The following UGT3A2 variants were observed in gnomAD, a reference collection of about 807,000 sequenced individuals.
UGT3A2 encodes UDP glycosyltransferase family 3 member A2.
In UGT3A2, 32 loss-of-function variants were observed where a neutral mutation model predicts 39.8. The observed-to-expected ratio is 0.80, with a 90% CI of 0.61 to 1.08. The LOEUF is 1.08. UGT3A2 is among the 50% of genes least tolerant of loss of function. UGT3A2 has a pLI of 0.00. For synonymous variants in UGT3A2, 241 were observed against 230.7 expected (o/e 1.04, Z -0.40); for missense variants, 611 against 637.1 (o/e 0.96, Z 0.44).
In UGT3A2 at chr5:36,035,531, C is replaced by G; in HGVS notation, c.*167G>C. On this transcript the variant is annotated 3_prime_UTR_variant, in exon 7 of 7. Transcript: ENST00000282507. ...GGAGCTAGTAAGGATGAATTTGTAG[C>G]AAAATTAGCAAGTGGAAAGGATGAT... 9.8e-7 allele frequency: 1 copy of G among 1,023,206 alleles called. No individual in the cohort carries two copies. Among genetic ancestry groups the G allele is most frequent in the South Asian group, 1.8e-5 (1 of 57,070 alleles). 63.4% of individuals were successfully genotyped at this position (1,023,206 alleles called of 1,614,324 possible). A position where few individuals can be genotyped will look rare whatever the true frequency, so the allele number is the denominator to read the frequency against.
chr5:36,049,090 T>C lies in UGT3A2; in HGVS notation c.642A>G (p.Gln214=), dbSNP rs780311986. The change falls in exon 4 of 7, where the codon CAA becomes CAG. Residue 214 remains glutamine, a synonymous_variant. Coordinates refer to ENST00000282507, the MANE Select transcript of UGT3A2 (RefSeq NM_174914.4). The stretch of plus-strand genomic sequence containing the variant: ...TGTCAAATGTAGACTGCATGTGCTG[T>C]TGCCTCCTGCAGAAACTAAAGAACA... ...FLMFFSFCRR[Q]QHMQSTFDNT... 8.7e-6 allele frequency: 14 copies of C among 1,614,204 alleles called. No homozygotes were observed. In the East Asian group the frequency reaches 2.9e-4, roughly 33 times the overall value.
chr5:36,044,163 G>T (rs1302379399), intron 4 of UGT3A2, among the ~76,000 whole-genome samples: 1 of 152,010 alleles, frequency 6.6e-6, no homozygotes, highest in African/African-American at 2.4e-5. Flanking sequence ...ATTTATCTGA[G>T]GGACTGAAGG....
In UGT3A2 at chr5:36,048,978, C is replaced by T; in HGVS notation, c.754G>A (p.Asp252Asn). 2 of 1,614,174 alleles carry T rather than the reference C, an allele frequency of 1.2e-6. No individual in the cohort carries two copies. Among genetic ancestry groups the T allele is most frequent in the Non-Finnish European group, 1.7e-6 (2 of 1,180,036 alleles). Residue 252 changes from aspartate (D) to asparagine (N), a missense_variant, in exon 4 of 7, where the codon GAC becomes AAC. By Grantham distance (23) the Asp-to-Asn change is conservative. Coordinates refer to ENST00000282507, the MANE Select transcript of UGT3A2 (RefSeq NM_174914.4). ...GGTCGAGCAAAATCAAAGGCAAAGT[C>T]AGAGTTAATGAACCACAACTCTGCT... ...LKAELWFINS[D>N]FAFDFARPLL...
chr5:36,040,739 C>T (rs1263820922), intron 4 of UGT3A2, among the ~76,000 whole-genome samples: 3 of 152,076 alleles, frequency 2.0e-5, no homozygotes, highest in Non-Finnish European at 2.9e-5. Flanking sequence ...CTCTGGGGTT[C>T]AAAATAAACT....
Position 36,043,485 on chromosome 5 carries a change from C to T in UGT3A2, c.844-3777G>A, listed in dbSNP as rs143033539. On this transcript the variant is annotated intron_variant, in intron 4 of 6. Coordinates refer to ENST00000282507, the MANE Select transcript of UGT3A2 (RefSeq NM_174914.4). ...TCTTAAAGAATTGGAAAATCAAGAG[C>T]AAACCAAACCCAAAAATAGTAGAAG... is the stretch of plus-strand genomic sequence containing the variant. Among the ~76,000 whole-genome samples the T allele has an allele frequency of 5.6e-3, 846 of 151,516 alleles. 15 individuals are homozygous for T. Among genetic ancestry groups the T allele is most frequent in the African/African-American group, 0.02 (816 of 41,372 alleles).
intron 2 of UGT3A2, among the ~76,000 whole-genome samples, chr5:36,058,835 C>T (rs549216604): frequency 3.8e-4 from 58 of 152,168 alleles, no homozygotes; most frequent in South Asian, 1.0e-3. Context: ...AGAGTAATGT[C>T]TCTCATAATG....
chr5:36,035,834 G>A lies in UGT3A2; in HGVS notation c.1436C>T (p.Pro479Leu), dbSNP rs375280163. ...GTCGAGCAGGTACTGCTCATGCCAG[G>A]GCTGCTGAAAGACATAGGGCTTGAG... The part of the protein sequence containing the change: ...THLKPYVFQQ[P>L]WHEQYLLDVF... The change falls in exon 7 of 7, where the codon CCC becomes CTC. Residue 479 changes from proline to leucine, a missense_variant. Pro to Leu is a moderately conservative substitution (Grantham distance 98, BLOSUM62 -3). Coordinates refer to ENST00000282507, the MANE Select transcript of UGT3A2 (RefSeq NM_174914.4). 9 of 1,614,020 alleles carry A rather than the reference G, an allele frequency of 5.6e-6. No homozygotes were observed. Among genetic ancestry groups the A allele is most frequent in the East Asian group, 2.2e-5 (1 of 44,876 alleles).
chr5:36,052,940 G>T (rs1742396224), intron 2 of UGT3A2, among the ~76,000 whole-genome samples: 1 of 152,142 alleles, frequency 6.6e-6, no homozygotes, highest in Non-Finnish European at 1.5e-5. Flanking sequence ...CAAATACTTT[G>T]CAGTCATAGA....
intron 4 of UGT3A2, among the ~76,000 whole-genome samples, chr5:36,048,031 G>A (rs1742221891): frequency 6.6e-6 from 1 of 152,180 alleles, no homozygotes; most frequent in African/African-American, 2.4e-5. Flanking sequence ...AGTTAAAAGA[G>A]TAGACGCTTG....
At position 36,037,789 on chromosome 5, in the gene UGT3A2, C is replaced by T; in HGVS notation, c.1295+8G>A. On this transcript the variant is annotated splice_region_variant and intron_variant, in intron 6 of 6. Coordinates refer to ENST00000282507, the MANE Select transcript of UGT3A2 (RefSeq NM_174914.4). ...TCATTATGACCACAACCCCAAGGAG[C>T]TGCATACCTCTTGTCTTCCATGATT... The T allele has an allele frequency of 6.2e-7, 1 of 1,614,188 alleles. No individual in the cohort carries two copies. Among genetic ancestry groups the T allele is most frequent in the Non-Finnish European group, 8.5e-7 (1 of 1,180,020 alleles).
intron 2 of UGT3A2, among the ~76,000 whole-genome samples, chr5:36,061,827 C>T (rs1742713794): frequency 6.6e-6 from 1 of 152,068 alleles, no homozygotes; most frequent in African/African-American, 2.4e-5. Context: ...CTGACTTCCA[C>T]AGTGGTTGAA....
chr5:36,060,055 A>G (rs998293505), intron 2 of UGT3A2, among the ~76,000 whole-genome samples: 2 of 152,204 alleles, frequency 1.3e-5, no homozygotes, highest in African/African-American at 2.4e-5. Flanking sequence ...CCCCCATGAC[A>G]TGCAGACAGA....
At position 36,035,862 on chromosome 5, in the gene UGT3A2, G is replaced by A. The variant is rs780966624; in HGVS notation, c.1408C>T (p.His470Tyr). ...TGCTGAAAGACATAGGGCTTGAGGT[G>A]CGTCGCGCCCCCTGTCTGGAGGACG... ...DHVLQTGGATHLKPYVFQQPW... is the reference protein window; with the variant it reads ...DHVLQTGGATYLKPYVFQQPW... Residue 470 changes from histidine to tyrosine, a missense_variant, in exon 7 of 7, where the codon CAC (histidine) becomes TAC (tyrosine). By Grantham distance (83) the His-to-Tyr change is moderately conservative (BLOSUM62 2). Transcript: ENST00000282507. 2.5e-6 allele frequency: 4 copies of A among 1,614,092 alleles called. No homozygotes were observed. The highest frequency in any genetic ancestry group is 1.3e-5 in the African/African-American group (1 of 74,938).
intron 4 of UGT3A2, among the ~76,000 whole-genome samples, chr5:36,044,025 T>C (rs1742090961): frequency 6.6e-6 from 1 of 151,710 alleles, no homozygotes; most frequent in Non-Finnish European, 1.5e-5. Context: ...ACCAGACAAA[T>C]ACACATCGGA....
At chr5:36,046,312 G>A (rs1742164311) in intron 4 of UGT3A2, among the ~76,000 whole-genome samples, 1 of 152,196 alleles carries the variant, frequency 6.6e-6, no homozygotes, top group Admixed American at 6.5e-5. Context: ...CTGCACTTCC[G>A]TGTTTATTGC....
intron 4 of UGT3A2, among the ~76,000 whole-genome samples, chr5:36,041,483 G>C (rs546553768): frequency 6.6e-6 from 1 of 151,874 alleles, no homozygotes; most frequent in Non-Finnish European, 1.5e-5. Context: ...CAGGGGAGGT[G>C]GTCATGAGAG....
At chr5:36,062,074 C>G (rs1413021521) in intron 2 of UGT3A2, among the ~76,000 whole-genome samples, 2 of 151,882 alleles carry the variant, frequency 1.3e-5, no homozygotes, top group African/African-American at 4.8e-5. Context: ...CCTTCACCCA[C>G]TTTTTGATGG....
intron 4 of UGT3A2, among the ~76,000 whole-genome samples, chr5:36,045,612 A>G (rs77618904): frequency 6.6e-6 from 1 of 151,604 alleles, no homozygotes; most frequent in East Asian, 1.9e-4. Flanking sequence ...AAAAAAAAAA[A>G]GAAAAGAAAA....
rs573115180 is a variant in UGT3A2, at chr5:36,035,910, G to T, written c.1360C>A (p.Arg454=). The stretch of plus-strand genomic sequence containing the variant: ...ACGTGGTCAATCCAGCCCACCAGCC[G>T]CTGTGTGGGGCTGAGCGGGTGGGAG... ...LRSHPLSPTQ[R]LVGWIDHVLQ... Residue 454 remains arginine (R), a synonymous_variant, in exon 7 of 7, where the codon CGG becomes AGG. Coordinates refer to ENST00000282507, the MANE Select transcript of UGT3A2 (RefSeq NM_174914.4). The T allele has an allele frequency of 1.2e-6, 2 of 1,614,180 alleles. No homozygotes were observed. Among genetic ancestry groups the T allele is most frequent in the South Asian group, 1.1e-5 (1 of 91,074 alleles).
Sources: allele counts gnomAD v4.1 joint callset (sites outside exome capture counted in the v4.1 genomes callset), GRCh38; gene constraint gnomAD v4.1.1; transcripts MANE v1.5; gene names NCBI Gene and HGNC (gene_info 2026-07-23, HGNC 2026-07-21).